The following SEMA6B variants were observed in gnomAD, a reference collection of about 807,000 sequenced individuals.
SEMA6B encodes the protein semaphorin 6B, also known as semaphorin-6B.
In SEMA6B, 47 loss-of-function variants were observed where a neutral mutation model predicts 78.6. The ratio of observed to expected loss-of-function variants is 0.60; its 90% CI spans 0.47 to 0.76. SEMA6B has a LOEUF of 0.76. Among genes scored for constraint, SEMA6B ranks in the 30% least tolerant of loss-of-function variants. SEMA6B has a pLI of 0.00. For synonymous variants in SEMA6B, 632 were observed against 592.2 expected, an observed-to-expected ratio of 1.07 and a Z score of -0.98; for missense variants, 1,213 against 1,269.9, an observed-to-expected ratio of 0.96 and a Z score of 0.68.
Position 4,558,066 on chromosome 19 carries a change from G to C in SEMA6B, c.205C>G (p.Arg69Gly), listed in dbSNP as rs752146387. ...AEGADDLNIQ[R>G]VLRVNRTLFI... ...AGCGTCCTGTTGACCCGCAGGACTC[G>C]CTGGATGTTGAGGTCGTCAGCACCT... The change falls in exon 3 of 17, where the codon CGA (arginine) becomes GGA (glycine). Residue 69 changes from arginine to glycine, a missense_variant. By Grantham distance (125) the Arg-to-Gly change is moderately radical. Coordinates refer to ENST00000586582, the MANE Select transcript of SEMA6B (RefSeq NM_032108.4). The surrounding 1 kb of genome is among the most constrained non-coding windows in gnomAD (Gnocchi z 5.1). 1 of 1,521,488 alleles carries C rather than the reference G, an allele frequency of 6.6e-7. No individual in the cohort carries two copies. The highest frequency in any genetic ancestry group is 2.6e-5 in the East Asian group (1 of 38,978). 94.2% of individuals were successfully genotyped at this position (1,521,488 alleles called of 1,614,324 possible). A position where few individuals can be genotyped will look rare whatever the true frequency, so the allele number is the denominator to read the frequency against.
chr19:4,547,154 C>T (rs553462535), intron 14 of SEMA6B, among the ~76,000 whole-genome samples: 4 of 150,736 alleles, frequency 2.7e-5, no homozygotes, highest in Admixed American at 6.6e-5. Flanking sequence ...TTTTTAGAGA[C>T]AGGCTCTCAC....
chr19:4,549,999 G>C, intron 12 of SEMA6B, 124 bp downstream of exon 12: 1 of 852,592 alleles, frequency 1.2e-6, no homozygotes, highest in Non-Finnish European at 1.8e-6. Context: ...GTCTCTCTGT[G>C]TCTCCAGCTC....
In SEMA6B at chr19:4,550,232, A is replaced by G; in HGVS notation, c.1162T>C (p.Ser388Pro). Residue 388 changes from serine (S) to proline (P), a missense_variant, in exon 12 of 17, where the codon TCC becomes CCC. Physicochemically the swap from Ser to Pro is moderately conservative, Grantham distance 74 (BLOSUM62 -1). Coordinates refer to ENST00000586582, the MANE Select transcript of SEMA6B (RefSeq NM_032108.4). The surrounding 1 kb of genome is among the most constrained non-coding windows in gnomAD (Gnocchi z 6.6). ...AGGATGTCATCCGGCAAGGCGCTGG[A>G]GGCATTGTACTGCATCCCGGGGGCT... ...CAAPGMQYNA[S>P]SALPDDILNF... is the part of the protein sequence containing the mutation. 2 of 1,581,424 alleles carry G rather than the reference A, an allele frequency of 1.3e-6. No homozygotes were observed. The highest frequency in any genetic ancestry group is 8.6e-7 in the Non-Finnish European group (1 of 1,160,712).
chr19:4,550,162 G>C lies in SEMA6B; in HGVS notation c.1232C>G (p.Ser411Trp). The change falls in exon 12 of 17, where the codon TCG (serine) becomes TGG (tryptophan). Residue 411 changes from serine to tryptophan, a missense_variant. Physicochemically the swap from Ser to Trp is radical, Grantham distance 177. Transcript: ENST00000586582. The surrounding 1 kb of genome is among the most constrained non-coding windows in gnomAD (Gnocchi z 6.6). ...THPLMDEAVP[S>W]LGHAPWILRT... The stretch of plus-strand genomic sequence containing the variant: ...CAGGATCCAGGGCGCATGGCCCAGC[G>C]AGGGCACCGCCTCGTCCATCAGAGG... 1 of 1,613,846 alleles carries C rather than the reference G, an allele frequency of 6.2e-7. No individual in the cohort carries two copies. Among genetic ancestry groups the C allele is most frequent in the Non-Finnish European group, 8.5e-7 (1 of 1,180,004 alleles).
chr19:4,542,610 T>G lies in SEMA6B; in HGVS notation c.*991A>C. ...GGGGCCGGTGGTTGTAAACAGAGTT[T>G]TATTGATGGGGAGGGGGCTGGGGGA... On this transcript the variant is annotated 3_prime_UTR_variant, in exon 17 of 17. Coordinates refer to ENST00000586582, the MANE Select transcript of SEMA6B (RefSeq NM_032108.4). 1 of 486,152 alleles carries G rather than the reference T, an allele frequency of 2.1e-6. No homozygotes were observed. Among genetic ancestry groups the G allele is most frequent in the Non-Finnish European group, 3.8e-6 (1 of 262,156 alleles). 30.1% of individuals were successfully genotyped at this position (486,152 alleles called of 1,614,324 possible).
rs1977307529 is a variant in SEMA6B, at chr19:4,550,759, C to T, written c.1121+40G>A. ...AGCCCTCGGCCCTGGGGATCAGGACCTCATCCGGGCATGTGACTCAGGATG... is the reference window on the plus strand; with the variant it reads ...AGCCCTCGGCCCTGGGGATCAGGACTTCATCCGGGCATGTGACTCAGGATG... On this transcript the variant is annotated intron_variant, in intron 11 of 16. Coordinates refer to ENST00000586582, the MANE Select transcript of SEMA6B (RefSeq NM_032108.4). The surrounding 1 kb of genome is among the most constrained non-coding windows in gnomAD (Gnocchi z 6.6). 1 of 1,609,400 alleles carries T rather than the reference C, an allele frequency of 6.2e-7. No homozygotes were observed. The highest frequency in any genetic ancestry group is 1.1e-5 in the South Asian group (1 of 90,716).
rs1256304798 is a variant in SEMA6B, at chr19:4,544,527, G to A, written c.1741C>T (p.Leu581Phe). The A allele has an allele frequency of 6.6e-7, 1 of 1,518,360 alleles. No homozygotes were observed. The highest frequency in any genetic ancestry group is 8.9e-7 in the Non-Finnish European group (1 of 1,129,362). 94.1% of individuals were successfully genotyped at this position (1,518,360 alleles called of 1,614,324 possible). Residue 581 changes from leucine to phenylalanine, a missense_variant and splice_region_variant, in exon 17 of 17, where the codon CTC becomes TTC. By Grantham distance (22) the Leu-to-Phe change is conservative (BLOSUM62 0). Transcript: ENST00000586582. This position sits in a 1 kb window ranked among gnomAD's most constrained non-coding sequence, Gnocchi z 5.1. ...TCCTCGGAGAGGCTGGCCCGCAGGA[G>A]TCCTGGCCGGGGAGCACAGGGGGGT... ...STSGLGDCTG[L>F]LRASLSEDRA...
In SEMA6B at chr19:4,548,065, C is replaced by T. The variant is rs1209554731; in HGVS notation, c.1563G>A (p.Val521=). ...LAAFPRCVVR[V]PVARCQQYSG... The stretch of plus-strand genomic sequence containing the variant: ...AGTACTGCTGGCAGCGAGCCACAGG[C>T]ACTCGGACCACGCAGCGGGGGAAGG... The change falls in exon 14 of 17, where the codon GTG becomes GTA. Residue 521 remains valine (V), a synonymous_variant. Coordinates refer to ENST00000586582, the MANE Select transcript of SEMA6B (RefSeq NM_032108.4). 1 of 1,588,446 alleles carries T rather than the reference C, an allele frequency of 6.3e-7. No homozygotes were observed.
At chr19:4,557,942 C>A in intron 3 of SEMA6B, 84 bp downstream of exon 3, 1 of 1,189,846 alleles carries the variant, frequency 8.4e-7, no homozygotes, top group Non-Finnish European at 1.1e-6. Flanking sequence ...CCTGCTCCAT[C>A]CCCTCCCTGC....
rs777688418 is a variant in SEMA6B, at chr19:4,555,603, C to T, written c.472-39G>A. On this transcript the variant is annotated intron_variant, in intron 6 of 16. Transcript: ENST00000586582. This position sits in a 1 kb window ranked among gnomAD's most constrained non-coding sequence, Gnocchi z 6.1. Reference sequence around the variant, plus strand: ...GGGGCCTGAGTGACAGATCTCCTGACCCCACCTAGCAGCCCCTGGCTCCCT... The same window carrying T: ...GGGGCCTGAGTGACAGATCTCCTGATCCCACCTAGCAGCCCCTGGCTCCCT... 2 of 1,546,226 alleles carry T rather than the reference C, an allele frequency of 1.3e-6. No homozygotes were observed. Among genetic ancestry groups the T allele is most frequent in the Middle Eastern group, 2.1e-4 (1 of 4,768 alleles).
In SEMA6B at chr19:4,552,635, AC is replaced by A; in HGVS notation, c.775del (p.Val259TrpfsTer28). On this transcript the variant is annotated frameshift_variant, in exon 10 of 17. Transcript: ENST00000586582. LOFTEE classifies it high-confidence loss of function. This position sits in a 1 kb window ranked among gnomAD's most constrained non-coding sequence, Gnocchi z 7.4. ...GCACACTCGGGCCACGCGGGACACC[AC>A]CACCTGGGCGTGACAGTGGACGGAC... is the stretch of plus-strand genomic sequence containing the variant. ...AMEFNYLEKV[V>X]VSRVARVCKN... 1 of 1,602,788 alleles carries A rather than the reference AC, an allele frequency of 6.2e-7. No individual in the cohort carries two copies. Among genetic ancestry groups the A allele is most frequent in the Admixed American group, 1.7e-5 (1 of 59,658 alleles).
At chr19:4,551,051 G>A (rs1332261056) in intron 10 of SEMA6B, 121 bp from the exon 11 acceptor site, 3 of 1,069,894 alleles carry the variant, frequency 2.8e-6, no homozygotes, top group Admixed American at 4.5e-5. Flanking sequence ...GGCCAGAGAT[G>A]TCCCCTGTCC....
At position 4,558,258 on chromosome 19, in the gene SEMA6B, G is replaced by T. The variant is rs1024893391; in HGVS notation, c.121+79C>A. 8 of 1,302,656 alleles carry T rather than the reference G, an allele frequency of 6.1e-6. No individual in the cohort carries two copies. In the African/African-American group the frequency reaches 1.2e-4, roughly 20 times the overall value. 80.7% of individuals were successfully genotyped at this position (1,302,656 alleles called of 1,614,324 possible). On this transcript the variant is annotated intron_variant, in intron 2 of 16. Transcript: ENST00000586582. This position sits in a 1 kb window ranked among gnomAD's most constrained non-coding sequence, Gnocchi z 5.1. Reference sequence around the variant, plus strand: ...GCTCCTGGACTGCTTGAGTCCCCCAGTGGGGGCAGCAGACCCAACTGGGAA... The same window carrying T: ...GCTCCTGGACTGCTTGAGTCCCCCATTGGGGGCAGCAGACCCAACTGGGAA...
chr19:4,551,310 C>T (rs1193000747), intron 10 of SEMA6B, among the ~76,000 whole-genome samples: 1 of 151,288 alleles, frequency 6.6e-6, no homozygotes, highest in Non-Finnish European at 1.5e-5. Context: ...ACCTACACCT[C>T]CCAGGTTCAA....
intron 14 of SEMA6B, among the ~76,000 whole-genome samples, chr19:4,547,480 G>A (rs1977200345): frequency 1.3e-5 from 2 of 152,222 alleles, no homozygotes; most frequent in African/African-American, 4.8e-5. Flanking sequence ...CGGCGGGCAG[G>A]AAGCAGGGTC....
chr19:4,555,894 G>A lies in SEMA6B; in HGVS notation c.471+94C>T. ...TATCCAGGAAGGCTTCCTGGAGGAG[G>A]TGACACGGCCTGGGGAAAAGCCATG... On this transcript the variant is annotated intron_variant, in intron 6 of 16. Transcript: ENST00000586582. This position sits in a 1 kb window ranked among gnomAD's most constrained non-coding sequence, Gnocchi z 6.1. 1.0e-6 allele frequency: 1 copy of A among 992,106 alleles called. No individual in the cohort carries two copies. Among genetic ancestry groups the A allele is most frequent in the Non-Finnish European group, 1.6e-6 (1 of 618,798 alleles). The allele number at this position is 992,106 out of a possible 1,614,324, so 61.5% of individuals were successfully genotyped here. A position where few individuals can be genotyped will look rare whatever the true frequency, so the allele number is the denominator to read the frequency against.
Position 4,552,364 on chromosome 19 carries a change from C to A in SEMA6B, c.989+58G>T. 1 of 1,483,532 alleles carries A rather than the reference C, an allele frequency of 6.7e-7. No homozygotes were observed. Among genetic ancestry groups the A allele is most frequent in the South Asian group, 1.3e-5 (1 of 79,510 alleles). The allele number at this position is 1,483,532 out of a possible 1,614,324, so 91.9% of individuals were successfully genotyped here. Reference sequence around the variant, plus strand: ...GGCATACCTGAGGAGTGAATACAGGCCCTCTCTACCCATGCCCACCAAATG... The same window carrying A: ...GGCATACCTGAGGAGTGAATACAGGACCTCTCTACCCATGCCCACCAAATG... On this transcript the variant is annotated intron_variant, in intron 10 of 16. Coordinates refer to ENST00000586582, the MANE Select transcript of SEMA6B (RefSeq NM_032108.4). This position sits in a 1 kb window ranked among gnomAD's most constrained non-coding sequence, Gnocchi z 7.4.
intron 12 of SEMA6B, among the ~76,000 whole-genome samples, chr19:4,549,911 C>T (rs4806988): frequency 0.41 from 62,752 of 151,732 alleles, 14,386 homozygotes; most frequent in East Asian, 0.77. Context: ...CCGTGCCCAG[C>T]CCCATCTGTC....
At position 4,544,668 on chromosome 19, in the gene SEMA6B, C is replaced by A; in HGVS notation, c.1739-139G>T. 1 of 478,018 alleles carries A rather than the reference C, an allele frequency of 2.1e-6. No homozygotes were observed. Among genetic ancestry groups the A allele is most frequent in the Non-Finnish European group, 3.4e-6 (1 of 297,954 alleles). The allele number at this position is 478,018 out of a possible 1,614,324, so 29.6% of individuals were successfully genotyped here. A position where few individuals can be genotyped will look rare whatever the true frequency, so the allele number is the denominator to read the frequency against. On this transcript the variant is annotated intron_variant, in intron 16 of 16. Coordinates refer to ENST00000586582, the MANE Select transcript of SEMA6B (RefSeq NM_032108.4). The surrounding 1 kb of genome is among the most constrained non-coding windows in gnomAD (Gnocchi z 5.1). ...ATTTATTTTTTGAGAAGGAGTCTTC[C>A]TTTGTGTGCCAGGCTGGAGTGCAGT...
Sources: gnomAD v4.1 joint callset for allele counts (sites outside exome capture counted in the v4.1 genomes callset) on GRCh38, gnomAD v4.1.1 for gene constraint, Gnocchi (gnomAD v3.1) non-coding constraint, MANE v1.5 for transcripts, NCBI Gene and HGNC (gene_info 2026-07-23, HGNC 2026-07-21) for gene names.